Variants in PLPPR3 observed in about 807,000 individuals in gnomAD.
PLPPR3 encodes phospholipid phosphatase-related protein type 3.
PLPPR3 carries 14 observed loss-of-function variants against 27.3 expected under a neutral mutation model. That is an observed-to-expected ratio of 0.51 (90% CI 0.34 to 0.80). PLPPR3 has a LOEUF of 0.80. PLPPR3 is among the 30% of genes least tolerant of loss of function. The probability of loss-of-function intolerance (pLI) is 0.01; values close to 1 mark genes in which losing one functional copy is unlikely to be tolerated. For synonymous variants in PLPPR3, 671 were observed against 508.0 expected (o/e 1.32, Z -4.32); for missense variants, 1,287 against 1,056.9 (o/e 1.22, Z -3.02).
chr19:816,395 TC>T (rs1386716238), intron 2 of PLPPR3, among the ~76,000 whole-genome samples: 9 of 50,702 alleles, frequency 1.8e-4, no homozygotes, highest in South Asian at 6.6e-4. Context: ...CACCCACCCA[TC>T]ATCCATCCAC....
intron 3 of PLPPR3, 23 bp downstream of exon 3, chr19:815,643 C>T (rs752946225): frequency 1.3e-6 from 2 of 1,555,926 alleles, no homozygotes; most frequent in African/African-American, 1.4e-5. Context: ...CAGGCTGGCA[C>T]AGGCCCCGGT....
At position 814,902 on chromosome 19, in the gene PLPPR3, C is replaced by T. The variant is rs746621782; in HGVS notation, c.583G>A (p.Ala195Thr). The T allele has an allele frequency of 8.7e-6, 14 of 1,610,692 alleles. No homozygotes were observed. The highest frequency in any genetic ancestry group is 2.2e-5 in the East Asian group (1 of 44,874). ...QDICSGHDIH[A>T]ILSARKTFPS... is the part of the protein sequence containing the mutation. ...CCGGCTCACCGTGCAGACAGGATGG[C>T]GTGGATGTCGTGGCCGGAGCAGATG... The change falls in exon 5 of 8, where the codon GCC (alanine) becomes ACC (threonine). Residue 195 changes from alanine (A) to threonine (T), a missense_variant. Transcript: ENST00000520876.
At chr19:822,407 C>A (rs2035162770), upstream of PLPPR3, among the ~76,000 whole-genome samples, 1 of 152,124 alleles carries the variant, frequency 6.6e-6, no homozygotes, top group Admixed American at 6.5e-5. Context: ...TCCGCGGAGC[C>A]CGCCGCTCGC....
Position 812,498 on chromosome 19 carries a change from C to T in PLPPR3, c.*72G>A. The T allele has an allele frequency of 1.0e-6, 1 of 979,666 alleles. No homozygotes were observed. Among genetic ancestry groups the T allele is most frequent in the South Asian group, 4.6e-5 (1 of 21,878 alleles). The allele number at this position is 979,666 out of a possible 1,614,324, so 60.7% of individuals were successfully genotyped here. On this transcript the variant is annotated 3_prime_UTR_variant, in exon 8 of 8. Coordinates refer to ENST00000520876, the MANE Select transcript of PLPPR3 (RefSeq NM_001270366.2). ...ACCAAGAGCCGGACCTCGGTTTCTG[C>T]CGCTTTATTGAGCATCCGCGCGGCC...
intron 2 of PLPPR3, among the ~76,000 whole-genome samples, chr19:816,989 A>G (rs910103296): frequency 2.9e-5 from 4 of 139,072 alleles, no homozygotes; most frequent in African/African-American, 5.2e-5. Context: ...CCATCCATCC[A>G]TCTATCCACC....
intron 2 of PLPPR3, among the ~76,000 whole-genome samples, chr19:818,318 G>A (rs1203934427): frequency 6.6e-6 from 1 of 151,998 alleles, no homozygotes; most frequent in African/African-American, 2.4e-5. Context: ...GGGAGGTGGA[G>A]GTTGCAGTGA....
chr19:821,435 C>G, intron 2 of PLPPR3, 50 bp downstream of exon 2: 1 of 1,475,822 alleles, frequency 6.8e-7, no homozygotes, highest in Non-Finnish European at 9.1e-7. Context: ...TCTCTGCGGG[C>G]GGGCGGAACC....
intron 2 of PLPPR3, among the ~76,000 whole-genome samples, chr19:819,344 G>A (rs184902021): frequency 9.1e-5 from 13 of 142,734 alleles, no homozygotes; most frequent in African/African-American, 3.5e-4. Context: ...GCAGTGGCGC[G>A]ATCTCGGCTA....
Position 814,661 on chromosome 19 carries a change from C to T in PLPPR3, c.657+31G>A, listed in dbSNP as rs745799043. 4.9e-5 allele frequency: 79 copies of T among 1,608,548 alleles called. No individual in the cohort carries two copies. In the African/African-American group the frequency reaches 8.4e-4, roughly 17 times the overall value. On this transcript the variant is annotated intron_variant, in intron 6 of 7. Transcript: ENST00000520876. ...GGCTCCCCACGGGTCAGCAAGAGGG[C>T]CTGGGAAGGGCAGTGAGGGGCCGGA...
chr19:816,640 T>C (rs1471430088), intron 2 of PLPPR3, among the ~76,000 whole-genome samples: 1 of 148,698 alleles, frequency 6.7e-6, no homozygotes, highest in Admixed American at 6.7e-5. Context: ...TTCATTCATC[T>C]ATCCATCCAT....
rs376693152 is a variant in PLPPR3 at position 815,242 on chromosome 19, A to T, written c.347T>A (p.Ile116Asn). The T allele has an allele frequency of 6.3e-7, 1 of 1,586,306 alleles. No homozygotes were observed. Among genetic ancestry groups the T allele is most frequent in the African/African-American group, 1.4e-5 (1 of 74,054 alleles). ...AGGPAGAEGS[I>N]NAGGCNFNSF... ...GTTGAAGTTGCAGCCGCCGGCGTTG[A>T]TGCTGCCCTCCGCCCCGGCGGGCCC... Residue 116 changes from isoleucine (I) to asparagine (N), a missense_variant, in exon 4 of 8, where the codon ATC becomes AAC. Ile to Asn is a moderately radical substitution (Grantham distance 149, BLOSUM62 -3). Coordinates refer to ENST00000520876, the MANE Select transcript of PLPPR3 (RefSeq NM_001270366.2).
rs573836577 is a variant in PLPPR3 at position 815,868 on chromosome 19, G to A, written c.76-17C>T. On this transcript the variant is annotated splice_polypyrimidine_tract_variant and intron_variant, in intron 2 of 7. Coordinates refer to ENST00000520876, the MANE Select transcript of PLPPR3 (RefSeq NM_001270366.2). ...TATGGGCAGCTGTGGGGACAAGGTGGGCCAGGTTCACCCTGCTCTCCCTCG... is the reference window on the plus strand; with the variant it reads ...TATGGGCAGCTGTGGGGACAAGGTGAGCCAGGTTCACCCTGCTCTCCCTCG... The A allele has an allele frequency of 6.2e-7, 1 of 1,610,446 alleles. No individual in the cohort carries two copies. The highest frequency in any genetic ancestry group is 1.1e-5 in the South Asian group (1 of 90,892).
At chr19:823,060 A>T (rs2035172169), upstream of PLPPR3, among the ~76,000 whole-genome samples, 1 of 151,856 alleles carries the variant, frequency 6.6e-6, no homozygotes, top group Non-Finnish European at 1.5e-5. Context: ...CGGAGGTTGC[A>T]GTGAGCCGAG....
rs1042929373 is a variant in PLPPR3, at chr19:821,782, G to A, written c.-27+133C>T. 2.3e-4 allele frequency: 87 copies of A among 372,344 alleles called. No homozygotes were observed. In the Middle Eastern group the frequency reaches 4.2e-3, roughly 18 times the overall value. 23.1% of individuals were successfully genotyped at this position (372,344 alleles called of 1,614,324 possible). ...ACCCGGGATCGGGGGGTCGGGGCCG[G>A]GATCGCCGAGGAGGGCGGGGGGTCT... On this transcript the variant is annotated intron_variant, in intron 1 of 7. Coordinates refer to ENST00000520876, the MANE Select transcript of PLPPR3 (RefSeq NM_001270366.2).
At position 813,008 on chromosome 19, in the gene PLPPR3, C is replaced by A. The variant is rs746419767; in HGVS notation, c.1719G>T (p.Ser573=). The change falls in exon 8 of 8, where the codon TCG becomes TCT. Residue 573 remains serine (S), a synonymous_variant. Coordinates refer to ENST00000520876, the MANE Select transcript of PLPPR3 (RefSeq NM_001270366.2). This position sits in a 1 kb window ranked among gnomAD's most constrained non-coding sequence, Gnocchi z 4.1. Reference sequence around the variant, plus strand: ...TCACGATGCTGGCGGAGTCGCGGTCCGACGGCGACCGGTACTGCGAGGAGT... The same window carrying A: ...TCACGATGCTGGCGGAGTCGCGGTCAGACGGCGACCGGTACTGCGAGGAGT... ...SSDSSQYRSP[S]DRDSASIVTI... 2 of 1,516,328 alleles carry A rather than the reference C, an allele frequency of 1.3e-6. No individual in the cohort carries two copies. The highest frequency in any genetic ancestry group is 5.4e-5 in the East Asian group (2 of 37,070). 93.9% of individuals were successfully genotyped at this position (1,516,328 alleles called of 1,614,324 possible). A position where few individuals can be genotyped will look rare whatever the true frequency, so the allele number is the denominator to read the frequency against.
At chr19:823,703 AG>A (rs1274316539), upstream of PLPPR3, among the ~76,000 whole-genome samples, 2 of 152,118 alleles carry the variant, frequency 1.3e-5, no homozygotes, top group African/African-American at 4.8e-5. Flanking sequence ...CGGTTCCTGC[AG>A]GGGGGCTCGG....
chr19:821,455 C>T lies in PLPPR3; in HGVS notation c.75+30G>A, dbSNP rs558281360. The T allele has an allele frequency of 4.2e-5, 62 of 1,479,822 alleles. No individual in the cohort carries two copies. The South Asian group carries it at 4.8e-4, about 11-fold the overall frequency. The allele number at this position is 1,479,822 out of a possible 1,614,324, so 91.7% of individuals were successfully genotyped here. ...GCGGGCGGGCGGAACCGAGGCGTCT[C>T]CCCCGGGCCCCAGCGCGACCCCCAC... On this transcript the variant is annotated intron_variant, in intron 2 of 7. Transcript: ENST00000520876.
rs1215301129 is a variant in PLPPR3 at position 813,408 on chromosome 19, G to A, written c.1319C>T (p.Ala440Val). Residue 440 changes from alanine (A) to valine (V), a missense_variant, in exon 8 of 8, where the codon GCG becomes GTG. Ala to Val is a moderately conservative substitution (Grantham distance 64, BLOSUM62 0). Transcript: ENST00000520876. This position sits in a 1 kb window ranked among gnomAD's most constrained non-coding sequence, Gnocchi z 4.1. Reference sequence around the variant, plus strand: ...GTCCTCCTCCTCTTCCTCCTCCTCCGCCATGGGTTCGGCGGGCGCGCGCAG... The same window carrying A: ...GTCCTCCTCCTCTTCCTCCTCCTCCACCATGGGTTCGGCGGGCGCGCGCAG... ...GHLRAPAEPM[A>V]EEEEEEEDEE... 8 of 1,503,596 alleles carry A rather than the reference G, an allele frequency of 5.3e-6. No individual in the cohort carries two copies. The highest frequency in any genetic ancestry group is 1.3e-5 in the South Asian group (1 of 79,580). 93.1% of individuals were successfully genotyped at this position (1,503,596 alleles called of 1,614,324 possible).
chr19:823,314 C>T (rs568183970), upstream of PLPPR3, among the ~76,000 whole-genome samples: 5 of 143,294 alleles, frequency 3.5e-5, no homozygotes, highest in Non-Finnish European at 6.1e-5. Context: ...TGGTGGCAGG[C>T]GCCTGTAATC....
Sources: gnomAD v4.1 joint callset for allele counts (sites outside exome capture counted in the v4.1 genomes callset) on GRCh38, gnomAD v4.1.1 for gene constraint, Gnocchi (gnomAD v3.1) non-coding constraint, MANE v1.5 for transcripts, NCBI Gene and HGNC (gene_info 2026-07-23, HGNC 2026-07-21) for gene names.